CUEDC1: variants seen among roughly 807,000 people sequenced by gnomAD.
CUEDC1 encodes the protein CUE domain containing 1.
Under a neutral mutation model 43.7 loss-of-function variants are expected in CUEDC1, and 30 were observed. That is an observed-to-expected ratio of 0.69 (90% CI 0.51 to 0.93). The LOEUF (loss-of-function observed/expected upper bound fraction) is 0.93. Ranked by LOEUF, CUEDC1 falls within the 40% of genes least tolerant of loss-of-function variation. The probability of loss-of-function intolerance (pLI) is 0.00; values close to 1 mark genes in which losing one functional copy is unlikely to be tolerated. For missense variants in CUEDC1, 486 were observed against 549.0 expected (o/e 0.89, Z 1.15); for synonymous variants, 223 against 223.6 (o/e 1.00, Z 0.02).
At chr17:57,880,062 G>A (rs1373201651) in intron 2 of CUEDC1, among the ~76,000 whole-genome samples, 6 of 152,150 alleles carry the variant, frequency 3.9e-5, no homozygotes, top group African/African-American at 1.4e-4. Context: ...GGGTCAGGGC[G>A]GTGTGCCCTC....
chr17:57,911,434 G>A (rs2074581835), intron 1 of CUEDC1, among the ~76,000 whole-genome samples: 1 of 152,196 alleles, frequency 6.6e-6, no homozygotes, highest in Admixed American at 6.5e-5. Flanking sequence ...ATCAGGGGCA[G>A]TGTAGCACTT....
rs766507078 is a variant in CUEDC1, at chr17:57,885,344, C to T, written c.221G>A (p.Ser74Asn). The T allele has an allele frequency of 2.5e-6, 4 of 1,612,198 alleles. No individual in the cohort carries two copies. The East Asian group carries it at 8.9e-5, about 36-fold the overall frequency. Residue 74 changes from serine to asparagine, a missense_variant, in exon 2 of 11, where the codon AGC (serine) becomes AAC (asparagine). Transcript: ENST00000577830. ...DIIECVLRAN[S>N]GAVDATIDQL... Reference sequence around the variant, plus strand: ...GTCGATGGTGGCGTCCACAGCGCCGCTGTTGGCGCGCAGCACGCATTCGAT... The same window carrying T: ...GTCGATGGTGGCGTCCACAGCGCCGTTGTTGGCGCGCAGCACGCATTCGAT...
intron 1 of CUEDC1, among the ~76,000 whole-genome samples, chr17:57,923,078 G>A (rs985798669): frequency 2.0e-5 from 3 of 151,896 alleles, no homozygotes; most frequent in Non-Finnish European, 2.9e-5. Flanking sequence ...CATCCACCTC[G>A]GCCTCCCAAA....
intron 1 of CUEDC1, among the ~76,000 whole-genome samples, chr17:57,932,510 A>G (rs1365884938): frequency 6.9e-6 from 1 of 145,890 alleles, no homozygotes; most frequent in East Asian, 2.0e-4. Flanking sequence ...TTGTGAACCC[A>G]GGAGGCAGAG....
At chr17:57,913,494 C>G (rs143301433) in intron 1 of CUEDC1, among the ~76,000 whole-genome samples, 1 of 152,238 alleles carries the variant, frequency 6.6e-6, no homozygotes, top group East Asian at 1.9e-4. Flanking sequence ...GCCCATGTGT[C>G]TTTGTCAATT....
In CUEDC1 at chr17:57,885,696, A is replaced by G. The variant is rs2074281418; in HGVS notation, c.-132T>C. ...CTCCTGCGCCTCCTCCTCCCCGGGT[A>G]GCCAGGCAGCAATGGGCTGCCAAGA... On this transcript the variant is annotated 5_prime_UTR_variant, in exon 2 of 11. Coordinates refer to ENST00000577830, the MANE Select transcript of CUEDC1 (RefSeq NM_001271875.2). The G allele has an allele frequency of 7.8e-7, 1 of 1,287,862 alleles. No homozygotes were observed. 79.8% of individuals were successfully genotyped at this position (1,287,862 alleles called of 1,614,324 possible).
At chr17:57,924,408 C>T (rs2074726551) in intron 1 of CUEDC1, among the ~76,000 whole-genome samples, 1 of 148,852 alleles carries the variant, frequency 6.7e-6, no homozygotes. Flanking sequence ...CGGGCCTCTT[C>T]CGGCTTCTTT....
At chr17:57,868,302 C>T in intron 7 of CUEDC1, 59 bp from the exon 8 acceptor site, 1 of 1,490,460 alleles carries the variant, frequency 6.7e-7, no homozygotes, top group Admixed American at 1.7e-5. Context: ...AGATGGCCTC[C>T]TCCCAGGTGT....
intron 3 of CUEDC1, among the ~76,000 whole-genome samples, chr17:57,878,643 CTTGA>C (rs1344319831): frequency 1.4e-5 from 2 of 142,776 alleles, no homozygotes; most frequent in Admixed American, 6.8e-5. Context: ...TGGCAACTAC[CTTGA>C]TTATTTATTT....
At chr17:57,940,273 G>A (rs567361902) in intron 1 of CUEDC1, among the ~76,000 whole-genome samples, 1 of 151,688 alleles carries the variant, frequency 6.6e-6, no homozygotes, top group East Asian at 1.9e-4. Context: ...AAAAAAAATG[G>A]TGGCACAGTA....
Position 57,872,653 on chromosome 17 carries a change from C to G in CUEDC1, c.784+10G>C, listed in dbSNP as rs745561399. On this transcript the variant is annotated intron_variant, in intron 5 of 10. Transcript: ENST00000577830. ...TCAGCCAGGGAGAAGTGGCTGCAGGCGCTGCCCACCTCTCTCCAGAGCGAG... is the reference window on the plus strand; with the variant it reads ...TCAGCCAGGGAGAAGTGGCTGCAGGGGCTGCCCACCTCTCTCCAGAGCGAG... 1 of 1,612,882 alleles carries G rather than the reference C, an allele frequency of 6.2e-7. No homozygotes were observed. The highest frequency in any genetic ancestry group is 1.1e-5 in the South Asian group (1 of 91,034).
intron 1 of CUEDC1, among the ~76,000 whole-genome samples, chr17:57,941,402 A>T (rs2074916260): frequency 6.6e-6 from 1 of 152,246 alleles, no homozygotes; most frequent in Non-Finnish European, 1.5e-5. Context: ...ATATACAGTT[A>T]TGCAGGCTGT....
chr17:57,902,120 G>A (rs560741154), intron 1 of CUEDC1, among the ~76,000 whole-genome samples: 1 of 152,174 alleles, frequency 6.6e-6, no homozygotes, highest in South Asian at 2.1e-4. Flanking sequence ...GTTGCAGGGA[G>A]GCAGAGGTTG....
intron 2 of CUEDC1, among the ~76,000 whole-genome samples, chr17:57,884,044 TC>T (rs1346251453): frequency 1.3e-5 from 2 of 152,062 alleles, no homozygotes; most frequent in African/African-American, 4.8e-5. Flanking sequence ...GTCCCCTCTC[TC>T]CAGCCACTTC....
rs1439926308 is a variant in CUEDC1 at position 57,862,023 on chromosome 17, C to T, written c.*1266G>A. ...AGGTGCGATCGCCGGCTCGCCTTCG[C>T]TACGCCCTTGTGATCTTGGGGCCAC... On this transcript the variant is annotated 3_prime_UTR_variant, in exon 11 of 11. Coordinates refer to ENST00000577830, the MANE Select transcript of CUEDC1 (RefSeq NM_001271875.2). 6.6e-6 allele frequency: 1 copy of T among 152,236 alleles called. No individual in the cohort carries two copies. Among genetic ancestry groups the T allele is most frequent in the Non-Finnish European group, 1.5e-5 (1 of 68,040 alleles). The allele number at this position is 152,236 out of a possible 1,614,324, so 9.4% of individuals were successfully genotyped here.
intron 1 of CUEDC1, among the ~76,000 whole-genome samples, chr17:57,891,345 A>T (rs1356250316): frequency 6.6e-6 from 1 of 152,194 alleles, no homozygotes; most frequent in Non-Finnish European, 1.5e-5. Flanking sequence ...GAGTGCTCTC[A>T]TTCTCTTATA....
rs1212408620 is a variant in CUEDC1, at chr17:57,954,760, C to T, written c.-316+465G>A. On this transcript the variant is annotated intron_variant, in intron 1 of 10. Coordinates refer to ENST00000577830, the MANE Select transcript of CUEDC1 (RefSeq NM_001271875.2). The surrounding 1 kb of genome is among the most constrained non-coding windows in gnomAD (Gnocchi z 4.3). ...GCGCTCGGCTCCCAGCAGGCGCCCC[C>T]GCCTGCCGTCGCCGCCCAGCCTGCG... Among the ~76,000 whole-genome samples, 1 of 152,142 alleles carries T rather than the reference C, an allele frequency of 6.6e-6. No homozygotes were observed. The highest frequency in any genetic ancestry group is 1.9e-4 in the East Asian group (1 of 5,174).
At chr17:57,920,126 C>T (rs1471286301) in intron 1 of CUEDC1, among the ~76,000 whole-genome samples, 3 of 152,136 alleles carry the variant, frequency 2.0e-5, no homozygotes, top group Non-Finnish European at 4.4e-5. Context: ...CAATTAAGGG[C>T]CCAGTAGGTC....
chr17:57,946,644 T>C (rs2074962255), intron 1 of CUEDC1, among the ~76,000 whole-genome samples: 1 of 152,208 alleles, frequency 6.6e-6, no homozygotes, highest in African/African-American at 2.4e-5. Flanking sequence ...ATGTTGACTC[T>C]GTGGCATGCT....
Sources: gnomAD v4.1 joint callset for allele counts (sites outside exome capture counted in the v4.1 genomes callset) on GRCh38, gnomAD v4.1.1 for gene constraint, Gnocchi (gnomAD v3.1) non-coding constraint, MANE v1.5 for transcripts, NCBI Gene and HGNC (gene_info 2026-07-23, HGNC 2026-07-21) for gene names.